The following PLD1 variants were observed in gnomAD, a reference collection of about 807,000 sequenced individuals.
PLD1 encodes choline phosphatase 1.
Under a neutral mutation model 137.1 loss-of-function variants are expected in PLD1, and 112 were observed. That is an observed-to-expected ratio of 0.82 (90% CI 0.70 to 0.96). PLD1 has a LOEUF of 0.96. PLD1 is among the 40% of genes least tolerant of loss of function. The pLI is 0.00. For missense variants in PLD1, 1,321 were observed against 1,342.0 expected, an observed-to-expected ratio of 0.98 and a Z score of 0.24; for synonymous variants, 431 against 454.7, an observed-to-expected ratio of 0.95 and a Z score of 0.66.
intron 1 of PLD1, among the ~76,000 whole-genome samples, chr3:171,791,047 C>T (rs1723192674): frequency 2.6e-5 from 4 of 152,190 alleles, no homozygotes; most frequent in Admixed American, 2.6e-4. Context: ...AGGAGACAGC[C>T]ACAGTAAAAG....
intron 25 of PLD1, among the ~76,000 whole-genome samples, chr3:171,605,625 T>C (rs1032852282): frequency 1.3e-5 from 2 of 152,130 alleles, no homozygotes; most frequent in African/African-American, 4.8e-5. Flanking sequence ...GGACTAGACA[T>C]AACAAAAAAT....
At chr3:171,798,142 C>T (rs573282600) in intron 1 of PLD1, among the ~76,000 whole-genome samples, 3 of 152,262 alleles carry the variant, frequency 2.0e-5, no homozygotes, top group South Asian at 2.1e-4. Flanking sequence ...GAAAGTGAGT[C>T]GGACAGGATC....
At chr3:171,615,470 T>C (rs1733026207) in intron 24 of PLD1, among the ~76,000 whole-genome samples, 1 of 152,194 alleles carries the variant, frequency 6.6e-6, no homozygotes, top group Admixed American at 6.5e-5. Flanking sequence ...AAAACAATAT[T>C]ACCACATCCC....
intron 8 of PLD1, among the ~76,000 whole-genome samples, chr3:171,714,313 G>A (rs901257562): frequency 4.6e-5 from 7 of 152,188 alleles, no homozygotes; most frequent in African/African-American, 1.7e-4. Flanking sequence ...AAAACTGGAG[G>A]AATGTCCCTA....
chr3:171,645,088 A>T (rs1736093660), intron 21 of PLD1, 65 bp from the exon 22 acceptor site: 1 of 1,004,066 alleles, frequency 1.0e-6, no homozygotes, highest in Non-Finnish European at 1.6e-6. Context: ...TTTAGATGAC[A>T]GCCAAGCAGT....
intron 21 of PLD1, among the ~76,000 whole-genome samples, chr3:171,647,928 A>C (rs1736404059): frequency 6.6e-6 from 1 of 152,072 alleles, no homozygotes; most frequent in Non-Finnish European, 1.5e-5. Flanking sequence ...TGTCTCTATG[A>C]ATCTGCTGGT....
chr3:171,791,090 G>A (rs1419321369), intron 1 of PLD1, among the ~76,000 whole-genome samples: 2 of 152,060 alleles, frequency 1.3e-5, no homozygotes, highest in Non-Finnish European at 2.9e-5. Context: ...TCTGTGTTTT[G>A]GCAAAAGAAT....
Position 171,603,153 on chromosome 3 carries a change from A to G in PLD1, c.3150T>C (p.Tyr1050=). 1 of 1,614,148 alleles carries G rather than the reference A, an allele frequency of 6.2e-7. No individual in the cohort carries two copies. Among genetic ancestry groups the G allele is most frequent in the Non-Finnish European group, 8.5e-7 (1 of 1,179,984 alleles). Residue 1050 remains tyrosine (Y), a synonymous_variant, in exon 27 of 27, where the codon TAT becomes TAC. Transcript: ENST00000351298. ...GCAGTAGGCTTTCTTCAGACAAGAA[A>G]TAAAAGGGGAATTGCACCAAAAATC... ...IRGFLVQFPF[Y]FLSEESLLPS... is the part of the protein sequence containing the mutation.
chr3:171,634,858 C>A (rs951277146), intron 23 of PLD1, among the ~76,000 whole-genome samples: 1 of 152,078 alleles, frequency 6.6e-6, no homozygotes, highest in African/African-American at 2.4e-5. Flanking sequence ...GGCCGTACAA[C>A]CATCACCACC....
chr3:171,645,446 T>C (rs1246057571), intron 21 of PLD1, among the ~76,000 whole-genome samples: 2 of 152,144 alleles, frequency 1.3e-5, no homozygotes, highest in Admixed American at 6.5e-5. Context: ...TTAATAATTG[T>C]TGAGTAAATC....
Position 171,687,306 on chromosome 3 carries a change from G to A in PLD1, c.1753+65C>T. On this transcript the variant is annotated intron_variant, in intron 15 of 26. Coordinates refer to ENST00000351298, the MANE Select transcript of PLD1 (RefSeq NM_002662.5). ...AAAGACAGATTTTAAAAACAGGTAT[G>A]TAGTGTCTGGCTATGGAAGAACAGT... 3 of 1,287,926 alleles carry A rather than the reference G, an allele frequency of 2.3e-6. No individual in the cohort carries two copies. The Admixed American group carries it at 5.1e-5, about 22-fold the overall frequency. The allele number at this position is 1,287,926 out of a possible 1,614,324, so 79.8% of individuals were successfully genotyped here.
At chr3:171,671,838 T>C (rs1203108570) in intron 19 of PLD1, among the ~76,000 whole-genome samples, 1 of 152,030 alleles carries the variant, frequency 6.6e-6, no homozygotes, top group Non-Finnish European at 1.5e-5. Context: ...TAAATTCAGT[T>C]TGGAAAACTC....
At chr3:171,701,230 A>G (rs1019447883) in intron 11 of PLD1, among the ~76,000 whole-genome samples, 1 of 152,268 alleles carries the variant, frequency 6.6e-6, no homozygotes, top group African/African-American at 2.4e-5. Context: ...TAAGTCTTGC[A>G]TATTTAATTG....
chr3:171,674,621 A>G lies in PLD1; in HGVS notation c.2116-8T>C. Reference sequence around the variant, plus strand: ...ATATTTTGATTTCATAATCTAAAATAAAGAAAAAGGATAAAATATTCAAAT... The same window carrying G: ...ATATTTTGATTTCATAATCTAAAATGAAGAAAAAGGATAAAATATTCAAAT... On this transcript the variant is annotated splice_polypyrimidine_tract_variant and splice_region_variant and intron_variant, in intron 18 of 26. Coordinates refer to ENST00000351298, the MANE Select transcript of PLD1 (RefSeq NM_002662.5). 1 of 1,366,262 alleles carries G rather than the reference A, an allele frequency of 7.3e-7. No individual in the cohort carries two copies. The highest frequency in any genetic ancestry group is 1.0e-6 in the Non-Finnish European group (1 of 961,350). The allele number at this position is 1,366,262 out of a possible 1,614,324, so 84.6% of individuals were successfully genotyped here.
At chr3:171,635,601 T>G (rs1285358587) in intron 23 of PLD1, among the ~76,000 whole-genome samples, 1 of 152,216 alleles carries the variant, frequency 6.6e-6, no homozygotes, top group East Asian at 1.9e-4. Context: ...TTGCCCATTT[T>G]TTATTTTTTG....
chr3:171,771,350 A>G (rs1471357604), intron 1 of PLD1: 2 of 152,372 alleles, frequency 1.3e-5, no homozygotes, highest in Non-Finnish European at 2.9e-5. Flanking sequence ...TCCCAAGCCC[A>G]GTTTTGGCTG....
At chr3:171,648,042 G>A (rs753152983) in intron 21 of PLD1, among the ~76,000 whole-genome samples, 6 of 152,204 alleles carry the variant, frequency 3.9e-5, no homozygotes, top group Middle Eastern at 6.8e-3. Flanking sequence ...TGTAGCATGC[G>A]TCAGAATTCC....
rs968812013 is a variant in PLD1 at position 171,656,415 on chromosome 3, C to T, written c.2429+2798G>A. 2.0e-5 allele frequency among the ~76,000 whole-genome samples: 3 copies of T among 152,316 alleles called. No individual in the cohort carries two copies. In the East Asian group the frequency reaches 5.8e-4, roughly 29 times the overall value. On this transcript the variant is annotated intron_variant, in intron 21 of 26. Transcript: ENST00000351298. The stretch of plus-strand genomic sequence containing the variant: ...CAAACTCCTGACCTCAGGTGATCCA[C>T]CCGCCTCAGCCTCCCAAAGTGCTGG...
At chr3:171,692,528 C>A in intron 12 of PLD1, 86 bp from the exon 13 acceptor site, 2 of 730,308 alleles carry the variant, frequency 2.7e-6, no homozygotes, top group Non-Finnish European at 2.4e-6. Context: ...ACTGTACTTT[C>A]TTTCTTTTTT....
Sources: gnomAD v4.1 joint callset for allele counts (sites outside exome capture counted in the v4.1 genomes callset) on GRCh38, gnomAD v4.1.1 for gene constraint, MANE v1.5 for transcripts, NCBI Gene and HGNC (gene_info 2026-07-23, HGNC 2026-07-21) for gene names.